The following ATP2C2 variants were observed in gnomAD, a reference collection of about 807,000 sequenced individuals.
ATP2C2 encodes the protein calcium-transporting ATPase type 2C member 2.
ATP2C2 carries 171 observed loss-of-function variants against 110.8 expected under a neutral mutation model. That is an observed-to-expected ratio of 1.54 (90% confidence interval 1.36 to 1.75). The LOEUF is 1.75. Among genes scored for constraint, ATP2C2 ranks in the 40% most tolerant of loss-of-function variants. ATP2C2 has a pLI of 0.00. For synonymous variants in ATP2C2, 804 were observed against 508.4 expected, an observed-to-expected ratio of 1.58 and a Z score of -7.82; for missense variants, 1,963 against 1,235.0, an observed-to-expected ratio of 1.59 and a Z score of -8.84.
At chr16:84,463,285 G>C (rs934605313) in intron 26 of ATP2C2, among the ~76,000 whole-genome samples, 5 of 152,088 alleles carry the variant, frequency 3.3e-5, no homozygotes, top group African/African-American at 1.2e-4. Flanking sequence ...CAGGACATTT[G>C]CAAGCAGCAG....
At chr16:84,384,432 T>C (rs1273930656) in intron 1 of ATP2C2, among the ~76,000 whole-genome samples, 1 of 152,250 alleles carries the variant, frequency 6.6e-6, no homozygotes, top group East Asian at 1.9e-4. Flanking sequence ...TGTGGCACGA[T>C]ACTGTGTCCT....
At position 84,402,551 on chromosome 16, in the gene ATP2C2, G is replaced by A. The variant is rs192044624; in HGVS notation, c.211-2577G>A. Among the ~76,000 whole-genome samples, 686 of 152,170 alleles carry A rather than the reference G, an allele frequency of 4.5e-3. 2 individuals carry two copies. The highest frequency in any genetic ancestry group is 0.014 in the South Asian group (66 of 4,820). The stretch of plus-strand genomic sequence containing the variant: ...CTGTCACGTTTTTTCAGCATTAATT[G>A]AAATGATCATATGGTTTTTGTCTTT... On this transcript the variant is annotated intron_variant, in intron 2 of 26. Coordinates refer to ENST00000262429, the MANE Select transcript of ATP2C2 (RefSeq NM_014861.4).
At chr16:84,432,903 G>A (rs139921872) in intron 11 of ATP2C2, among the ~76,000 whole-genome samples, 2 of 152,088 alleles carry the variant, frequency 1.3e-5, no homozygotes, top group African/African-American at 4.8e-5. Flanking sequence ...GCTGTGATTC[G>A]ACACTGTCCC....
chr16:84,389,379 C>T (rs369543399), intron 1 of ATP2C2, among the ~76,000 whole-genome samples: 4 of 152,356 alleles, frequency 2.6e-5, no homozygotes, highest in Admixed American at 1.3e-4. Flanking sequence ...AGGGCGTGAC[C>T]ACCACGCGAG....
chr16:84,404,674 T>G (rs893307302), intron 2 of ATP2C2: 1 of 332,622 alleles, frequency 3.0e-6, no homozygotes, highest in Non-Finnish European at 5.8e-6. Context: ...CAAACATCTC[T>G]TGGAGCCCCA....
chr16:84,405,022 C>A (rs760386782), intron 2 of ATP2C2, 106 bp from the exon 3 acceptor site: 4 of 932,832 alleles, frequency 4.3e-6, no homozygotes, highest in Non-Finnish European at 7.1e-6. Context: ...GCCTGTGTCC[C>A]TGGCCCATCA....
intron 11 of ATP2C2, among the ~76,000 whole-genome samples, chr16:84,432,418 A>C (rs977906289): frequency 6.6e-6 from 1 of 151,928 alleles, no homozygotes; most frequent in Non-Finnish European, 1.5e-5. Flanking sequence ...CATTTGGCCT[A>C]ATGCTCTCCC....
intron 19 of ATP2C2, 21 bp from the exon 20 acceptor site, chr16:84,453,300 C>G: frequency 6.2e-7 from 1 of 1,614,172 alleles, no homozygotes; most frequent in Non-Finnish European, 8.5e-7. Context: ...GATTCTTCGT[C>G]TTCCCCGTCT....
At chr16:84,390,676 C>T (rs923886227) in intron 1 of ATP2C2, among the ~76,000 whole-genome samples, 1 of 152,020 alleles carries the variant, frequency 6.6e-6, no homozygotes, top group African/African-American at 2.4e-5. Flanking sequence ...CTCTGGCGGG[C>T]GGTGAAAGTG....
chr16:84,459,179 A>G lies in ATP2C2; in HGVS notation c.2207A>G (p.Gln736Arg). The change falls in exon 22 of 27, where the codon CAG becomes CGG. Residue 736 changes from glutamine (Q) to arginine (R), a missense_variant. Transcript: ENST00000262429. Reference sequence around the variant, plus strand: ...AACATCAAAAACTTTGTCCGATTCCAGCTGAGCACGTAAGTAGAGGCCAGC... The same window carrying G: ...AACATCAAAAACTTTGTCCGATTCCGGCTGAGCACGTAAGTAGAGGCCAGC... Reference protein sequence around the residue: ...FYNIKNFVRFQLSTSISALSL... With the variant: ...FYNIKNFVRFRLSTSISALSL... The G allele has an allele frequency of 6.2e-7, 1 of 1,614,214 alleles. No homozygotes were observed. Among genetic ancestry groups the G allele is most frequent in the Non-Finnish European group, 8.5e-7 (1 of 1,180,038 alleles).
intron 20 of ATP2C2, 152 bp from the exon 21 acceptor site, chr16:84,454,666 C>G (rs1597873302): frequency 1.3e-6 from 1 of 782,364 alleles, no homozygotes; most frequent in East Asian, 3.1e-5. Context: ...AAGGGCTCGC[C>G]CAATTCCCAC....
At chr16:84,447,222 A>C (rs1373754671) in intron 16 of ATP2C2, among the ~76,000 whole-genome samples, 2 of 152,142 alleles carry the variant, frequency 1.3e-5, no homozygotes, top group Non-Finnish European at 2.9e-5. Flanking sequence ...GGCTGTGGGC[A>C]GCTCAGCCAG....
intron 20 of ATP2C2, 127 bp downstream of exon 20, chr16:84,453,498 A>G (rs534826955): frequency 3.1e-6 from 4 of 1,282,152 alleles, no homozygotes; most frequent in East Asian, 4.6e-5. Context: ...CTCTAGGTCC[A>G]GGGCAGCTGC....
At position 84,410,702 on chromosome 16, in the gene ATP2C2, A is replaced by G; in HGVS notation, c.454-2A>G. 1 of 1,614,142 alleles carries G rather than the reference A, an allele frequency of 6.2e-7. No individual in the cohort carries two copies. Among genetic ancestry groups the G allele is most frequent in the Non-Finnish European group, 8.5e-7 (1 of 1,180,008 alleles). ...CAGCACATCTGATGTGCTTCCTGCC[A>G]GGAGTACAGGTCGGAGAAATCTCTG... On this transcript the variant is annotated splice_acceptor_variant, in intron 5 of 26. Coordinates refer to ENST00000262429, the MANE Select transcript of ATP2C2 (RefSeq NM_014861.4). LOFTEE classifies it high-confidence loss of function.
In ATP2C2 at chr16:84,439,529, G is replaced by A. The variant is rs1909054261; in HGVS notation, c.1209+5G>A. On this transcript the variant is annotated splice_donor_5th_base_variant and intron_variant, in intron 13 of 26. Coordinates refer to ENST00000262429, the MANE Select transcript of ATP2C2 (RefSeq NM_014861.4). Reference sequence around the variant, plus strand: ...TCAGATGGGCTTCGTGCCGAGGTGAGTGCCAAAGGAATTTACAAGCCTTAA... The same window carrying A: ...TCAGATGGGCTTCGTGCCGAGGTGAATGCCAAAGGAATTTACAAGCCTTAA... 6.2e-7 allele frequency: 1 copy of A among 1,613,860 alleles called. No homozygotes were observed. The highest frequency in any genetic ancestry group is 8.5e-7 in the Non-Finnish European group (1 of 1,179,766).
chr16:84,379,066 C>A (rs1910420320), intron 1 of ATP2C2, among the ~76,000 whole-genome samples: 2 of 151,930 alleles, frequency 1.3e-5, no homozygotes, highest in Non-Finnish European at 2.9e-5. Flanking sequence ...CTGCACAGAT[C>A]ATCCCATCAC....
chr16:84,387,798 C>T (rs1232911397), intron 1 of ATP2C2, among the ~76,000 whole-genome samples: 1 of 152,072 alleles, frequency 6.6e-6, no homozygotes, highest in African/African-American at 2.4e-5. Flanking sequence ...ATTAGAATCG[C>T]CTGGGGGACT....
intron 11 of ATP2C2, among the ~76,000 whole-genome samples, chr16:84,438,630 C>T (rs1395254862): frequency 6.6e-6 from 1 of 152,102 alleles, no homozygotes; most frequent in Non-Finnish European, 1.5e-5. Flanking sequence ...GAGCAGACAC[C>T]CCGAAACAGA....
chr16:84,379,896 T>C (rs1403646565), intron 1 of ATP2C2, among the ~76,000 whole-genome samples: 11 of 152,104 alleles, frequency 7.2e-5, no homozygotes, highest in Non-Finnish European at 1.3e-4. Context: ...AGAAAGAAGG[T>C]AGGTATGGCC....
Sources: gnomAD v4.1 joint callset for allele counts (sites outside exome capture counted in the v4.1 genomes callset) on GRCh38, gnomAD v4.1.1 for gene constraint, MANE v1.5 for transcripts, NCBI Gene and HGNC (gene_info 2026-07-23, HGNC 2026-07-21) for gene names.